Variants in SLC25A35 observed in about 807,000 individuals in gnomAD.
The protein encoded by SLC25A35 is solute carrier family 25 member 35.
SLC25A35 carries 32 observed loss-of-function variants against 30.5 expected under a neutral mutation model. The observed-to-expected ratio is 1.05, with a 90% CI of 0.79 to 1.41. The LOEUF (loss-of-function observed/expected upper bound fraction) is 1.41. SLC25A35 is among the 40% of genes most tolerant of loss of function. The pLI, the probability that SLC25A35 is intolerant of heterozygous loss-of-function variation, is 0.00. For synonymous variants in SLC25A35, 142 were observed against 158.1 expected (o/e 0.90, Z 0.77); for missense variants, 369 against 388.0 (o/e 0.95, Z 0.41).
At chr17:8,289,702 G>T (rs1396011096), downstream of SLC25A35, 1 of 1,612,006 alleles carries the variant, frequency 6.2e-7, no homozygotes, top group African/African-American at 1.3e-5. Context: ...GCAGGAGTGG[G>T]CCAGAGGTTT....
Position 8,294,586 on chromosome 17 carries a change from G to A in SLC25A35, c.222C>T (p.Phe74=). The A allele has an allele frequency of 1.2e-6, 2 of 1,614,194 alleles. No individual in the cohort carries two copies. The highest frequency in any genetic ancestry group is 1.7e-6 in the Non-Finnish European group (2 of 1,180,026). The change falls in exon 1 of 5, where the codon TTC becomes TTT. Residue 74 remains phenylalanine (F), a synonymous_variant. Coordinates refer to ENST00000577745, the MANE Select transcript of SLC25A35 (RefSeq NM_001320870.2). The stretch of plus-strand genomic sequence containing the variant: ...TGCCCAGTCGGATGCCATTCATCAG[G>A]AACTGGTACAAGAGGGCGGGGGCCA... ...KGLAPALLYQ[F]LMNGIRLGTY...
chr17:8,294,570 G>C lies in SLC25A35; in HGVS notation c.238C>G (p.Arg80Gly). Residue 80 changes from arginine to glycine, a missense_variant, in exon 1 of 5, where the codon CGA becomes GGA. Arg to Gly is a moderately radical substitution (Grantham distance 125). Transcript: ENST00000577745. ...TCAGCCAGCCCATAGGTGCCCAGTC[G>C]GATGCCATTCATCAGGAACTGGTAC... ...LLYQFLMNGI[R>G]LGTYGLAEAG... The C allele has an allele frequency of 6.2e-7, 1 of 1,614,158 alleles. No homozygotes were observed. Among genetic ancestry groups the C allele is most frequent in the African/African-American group, 1.3e-5 (1 of 75,070 alleles).
At chr17:8,293,888 A>C (rs1038057767) in intron 1 of SLC25A35, among the ~76,000 whole-genome samples, 1 of 145,690 alleles carries the variant, frequency 6.9e-6, no homozygotes, top group Non-Finnish European at 1.5e-5. Context: ...TTTTAGTTCC[A>C]GAAAGTCTGA....
chr17:8,291,601 A>G (rs925208332), intron 2 of SLC25A35, 116 bp from the exon 3 acceptor site: 1 of 1,387,386 alleles, frequency 7.2e-7, no homozygotes, highest in East Asian at 2.5e-5. Flanking sequence ...AACCAGTTCA[A>G]TGTGGGCTTA....
At chr17:8,289,118 AC>A (rs778019209), downstream of SLC25A35, 1 of 1,605,012 alleles carries the variant, frequency 6.2e-7, no homozygotes, top group Non-Finnish European at 8.5e-7. Context: ...GCGGGGTCGG[AC>A]CAGTGGGCGG....
At chr17:8,291,506 G>A (rs777688883) in intron 2 of SLC25A35, 21 bp from the exon 3 acceptor site, 2 of 1,596,592 alleles carry the variant, frequency 1.3e-6, no homozygotes, top group Admixed American at 1.7e-5. Context: ...GAAGACCGGG[G>A]GTGGGGTTCA....
At chr17:8,294,137 C>A (rs532387752) in intron 1 of SLC25A35, among the ~76,000 whole-genome samples, 5 of 151,864 alleles carry the variant, frequency 3.3e-5, no homozygotes, top group East Asian at 3.9e-4. Context: ...GGATGGTCTC[C>A]ATCTCCTGAC....
rs1990780580 is a variant in SLC25A35, at chr17:8,295,246, T to C, written c.-439A>G. 4 of 989,962 alleles carry C rather than the reference T, an allele frequency of 4.0e-6. No individual in the cohort carries two copies. In the South Asian group the frequency reaches 1.8e-4, roughly 45 times the overall value. 61.3% of individuals were successfully genotyped at this position (989,962 alleles called of 1,614,324 possible). Reference sequence around the variant, plus strand: ...AGGATCCGGGAGAAGAGCCGGTGATTTCCTCGAGCCAGCAACGAGATCTCG... The same window carrying C: ...AGGATCCGGGAGAAGAGCCGGTGATCTCCTCGAGCCAGCAACGAGATCTCG... On this transcript the variant is annotated 5_prime_UTR_variant, in exon 1 of 5. Coordinates refer to ENST00000577745, the MANE Select transcript of SLC25A35 (RefSeq NM_001320870.2).
downstream of SLC25A35, chr17:8,288,670 G>A (rs1460066191): frequency 4.3e-6 from 5 of 1,165,212 alleles, no homozygotes; most frequent in African/African-American, 4.6e-5. Flanking sequence ...TAAAGGATCC[G>A]GGAGCTAAGC....
At chr17:8,289,730 G>C, downstream of SLC25A35, 1 of 1,613,950 alleles carries the variant, frequency 6.2e-7, no homozygotes, top group Admixed American at 1.7e-5. Context: ...CTGATACCCA[G>C]GTCCTCTGGG....
downstream of SLC25A35, chr17:8,288,689 G>T: frequency 1.5e-6 from 2 of 1,334,882 alleles, no homozygotes; most frequent in South Asian, 2.3e-5. Flanking sequence ...GCCAGACCCG[G>T]GTGGCGGTGG....
At chr17:8,288,884 C>G (rs370316330), downstream of SLC25A35, 1,451 of 1,614,148 alleles carry the variant, frequency 9.0e-4, 17 homozygotes, top group South Asian at 9.8e-3. Context: ...GCCGGGGCGC[C>G]CAGGGGCGGC....
chr17:8,291,039 AGT>A, intron 3 of SLC25A35, 63 bp from the exon 4 acceptor site: 1 of 1,595,630 alleles, frequency 6.3e-7, no homozygotes, highest in Non-Finnish European at 8.6e-7. Flanking sequence ...AGGACAGGAC[AGT>A]CCCTGCCCTG....
downstream of SLC25A35, chr17:8,288,855 A>T (rs371469933): frequency 1.9e-6 from 3 of 1,614,176 alleles, no homozygotes; most frequent in Admixed American, 5.0e-5. Flanking sequence ...CATGGGGGCC[A>T]TTGACGTAAG....
At chr17:8,289,605 G>T, downstream of SLC25A35, 2 of 1,610,140 alleles carry the variant, frequency 1.2e-6, no homozygotes, top group Non-Finnish European at 1.7e-6. Flanking sequence ...AGGAAGGAAC[G>T]GGCGGGTATC....
downstream of SLC25A35, chr17:8,288,865 G>GTT (rs752807400): frequency 2.5e-6 from 4 of 1,614,244 alleles, no homozygotes; most frequent in South Asian, 3.3e-5. Context: ...ATTGACGTAA[G>GTT]GTGAGAAGGC....
At chr17:8,289,181 G>T (rs1418275045), downstream of SLC25A35, 2 of 1,601,412 alleles carry the variant, frequency 1.2e-6, no homozygotes, top group Non-Finnish European at 1.7e-6. Context: ...CGGGCCGGGA[G>T]CCAGGCCTGC....
rs1990500156 is a variant in SLC25A35, at chr17:8,291,491, G to A, written c.442-6C>T. 4 of 1,609,396 alleles carry A rather than the reference G, an allele frequency of 2.5e-6. No individual in the cohort carries two copies. Among genetic ancestry groups the A allele is most frequent in the Non-Finnish European group, 3.4e-6 (4 of 1,177,602 alleles). On this transcript the variant is annotated splice_polypyrimidine_tract_variant and splice_region_variant and intron_variant, in intron 2 of 4. Transcript: ENST00000577745. ...GTTAGCGCCTGAAACATGCCCTAGTGTGGGGAAGACCGGGGGTGGGGTTCA... is the reference window on the plus strand; with the variant it reads ...GTTAGCGCCTGAAACATGCCCTAGTATGGGGAAGACCGGGGGTGGGGTTCA...
At chr17:8,288,007 T>C (rs1990202815), downstream of SLC25A35, 1 of 152,272 alleles carries the variant, frequency 6.6e-6, no homozygotes, top group Non-Finnish European at 1.5e-5. Context: ...CCCATTCTTC[T>C]TTCAGAGGCC....
Sources: allele counts gnomAD v4.1 joint callset (sites outside exome capture counted in the v4.1 genomes callset), GRCh38; gene constraint gnomAD v4.1.1; transcripts MANE v1.5; gene names NCBI Gene and HGNC (gene_info 2026-07-23, HGNC 2026-07-21).